CCDC177: variants seen among roughly 807,000 people sequenced by gnomAD.
CCDC177 encodes coiled-coil domain containing 177.
Under a neutral mutation model 7.3 loss-of-function variants are expected in CCDC177, and 2 were observed. The ratio of observed to expected loss-of-function variants is 0.28; its 90% CI spans 0.11 to 0.87. The LOEUF (loss-of-function observed/expected upper bound fraction) is 0.87. Ranked by LOEUF, CCDC177 falls within the 40% of genes least tolerant of loss-of-function variation. The pLI, the probability that CCDC177 is intolerant of heterozygous loss-of-function variation, is 0.61. For synonymous variants in CCDC177, 401 were observed against 449.2 expected (o/e 0.89, Z 1.36); for missense variants, 874 against 970.5 (o/e 0.90, Z 1.32).
At position 69,572,136 on chromosome 14, in the gene CCDC177, TG is replaced by T; in HGVS notation, c.1486del (p.Gln496SerfsTer9). The T allele has an allele frequency of 8.1e-7, 1 of 1,230,984 alleles. No homozygotes were observed. Among genetic ancestry groups the T allele is most frequent in the Non-Finnish European group, 1.0e-6 (1 of 987,558 alleles). 76.3% of individuals were successfully genotyped at this position (1,230,984 alleles called of 1,614,324 possible). A position where few individuals can be genotyped will look rare whatever the true frequency, so the allele number is the denominator to read the frequency against. Reference protein sequence around the residue: ...AARAKQRQEGQLQREKRELSR... With the variant: ...AARAKQRQEGXLQREKRELSR... ...CAGCTCCCGCTTCTCCCGCTGCAGC[TG>T]GCCCTCCTGCCGCTGCTTGGCGCGG... On this transcript the variant is annotated frameshift_variant, in exon 2 of 2. Transcript: ENST00000599174. LOFTEE classifies it low-confidence loss of function (END_TRUNC).
chr14:69,571,515 C>T lies in CCDC177; in HGVS notation c.2108G>A (p.Ser703Asn), dbSNP rs1480114824. 8.0e-7 allele frequency: 1 copy of T among 1,245,482 alleles called. No homozygotes were observed. The highest frequency in any genetic ancestry group is 1.0e-6 in the Non-Finnish European group (1 of 994,996). 77.2% of individuals were successfully genotyped at this position (1,245,482 alleles called of 1,614,324 possible). ...RMVREAQLHA[S>N]LDRK ...GAGCCGCAGTTATTTGCGGTCCAGG[C>T]TGGCGTGTAGCTGGGCCTCCCGCAC... is the stretch of plus-strand genomic sequence containing the variant. Residue 703 changes from serine to asparagine, a missense_variant, in exon 2 of 2, where the codon AGC becomes AAC. Physicochemically the swap from Ser to Asn is conservative, Grantham distance 46. Transcript: ENST00000599174.
Position 69,572,741 on chromosome 14 carries a change from G to A in CCDC177, c.882C>T (p.Thr294=). The A allele has an allele frequency of 2.4e-6, 3 of 1,231,618 alleles. No homozygotes were observed. Among genetic ancestry groups the A allele is most frequent in the Non-Finnish European group, 2.0e-6 (2 of 987,884 alleles). The allele number at this position is 1,231,618 out of a possible 1,614,324, so 76.3% of individuals were successfully genotyped here. ...AGCTGCGGCCGGTGATCGGAACCAGGGTCAGGGCAGACGGGCGGCCCGGAG... is the reference window on the plus strand; with the variant it reads ...AGCTGCGGCCGGTGATCGGAACCAGAGTCAGGGCAGACGGGCGGCCCGGAG... The part of the protein sequence containing the change: ...TNAPGRPSAL[T]LVPITGRSFS... The change falls in exon 2 of 2, where the codon ACC becomes ACT. Residue 294 remains threonine (T), a synonymous_variant. Coordinates refer to ENST00000599174, the MANE Select transcript of CCDC177 (RefSeq NM_001271507.2).
chr14:69,570,568 T>A lies in CCDC177; in HGVS notation c.*931A>T, dbSNP rs1884301178. Reference sequence around the variant, plus strand: ...CTCCAAACTCTCTGGGGCCCACCCTTGAGACGGCATGCAGGGCTGGAGATT... The same window carrying A: ...CTCCAAACTCTCTGGGGCCCACCCTAGAGACGGCATGCAGGGCTGGAGATT... On this transcript the variant is annotated 3_prime_UTR_variant, in exon 2 of 2. Coordinates refer to ENST00000599174, the MANE Select transcript of CCDC177 (RefSeq NM_001271507.2). 1 of 353,420 alleles carries A rather than the reference T, an allele frequency of 2.8e-6. No homozygotes were observed. The highest frequency in any genetic ancestry group is 2.1e-5 in the African/African-American group (1 of 46,778). 21.9% of individuals were successfully genotyped at this position (353,420 alleles called of 1,614,324 possible). A position where few individuals can be genotyped will look rare whatever the true frequency, so the allele number is the denominator to read the frequency against.
At position 69,571,721 on chromosome 14, in the gene CCDC177, C is replaced by T. The variant is rs954962303; in HGVS notation, c.1902G>A (p.Arg634=). 2.6e-5 allele frequency: 32 copies of T among 1,231,712 alleles called. No individual in the cohort carries two copies. Among genetic ancestry groups the T allele is most frequent in the Non-Finnish European group, 2.9e-5 (29 of 988,086 alleles). The allele number at this position is 1,231,712 out of a possible 1,614,324, so 76.3% of individuals were successfully genotyped here. ...AQRANKEKVE[R]DEDCRRRELL... ...GCTCTCGCCGGCGGCAGTCTTCGTC[C>T]CTCTCCACCTTCTCCTTGTTGGCGC... Residue 634 remains arginine (R), a synonymous_variant, in exon 2 of 2, where the codon AGG becomes AGA. Coordinates refer to ENST00000599174, the MANE Select transcript of CCDC177 (RefSeq NM_001271507.2).
chr14:69,571,686 G>C lies in CCDC177; in HGVS notation c.1937C>G (p.Ala646Gly). Residue 646 changes from alanine to glycine, a missense_variant, in exon 2 of 2, where the codon GCC becomes GGC. Transcript: ENST00000599174. The part of the protein sequence containing the change: ...EDCRRRELLQ[A>G]IGRKLERSEQ... The stretch of plus-strand genomic sequence containing the variant: ...GCTGCGCTCCAGCTTGCGCCCGATG[G>C]CCTGGAGTAGCTCTCGCCGGCGGCA... The C allele has an allele frequency of 8.1e-7, 1 of 1,232,016 alleles. No individual in the cohort carries two copies. Among genetic ancestry groups the C allele is most frequent in the Non-Finnish European group, 1.0e-6 (1 of 988,198 alleles). The allele number at this position is 1,232,016 out of a possible 1,614,324, so 76.3% of individuals were successfully genotyped here. A position where few individuals can be genotyped will look rare whatever the true frequency, so the allele number is the denominator to read the frequency against.
rs535329438 is a variant in CCDC177, at chr14:69,572,732, C to T, written c.891G>A (p.Pro297=). Residue 297 remains proline (P), a synonymous_variant, in exon 2 of 2, where the codon CCG becomes CCA. Coordinates refer to ENST00000599174, the MANE Select transcript of CCDC177 (RefSeq NM_001271507.2). ...PGRPSALTLV[P]ITGRSFSLGD... ...CGAGGCTGAAGCTGCGGCCGGTGAT[C>T]GGAACCAGGGTCAGGGCAGACGGGC... 2.8e-5 allele frequency: 35 copies of T among 1,231,538 alleles called. No homozygotes were observed. The Admixed American group carries it at 3.4e-4, about 12-fold the overall frequency. 76.3% of individuals were successfully genotyped at this position (1,231,538 alleles called of 1,614,324 possible).
intron 1 of CCDC177, among the ~76,000 whole-genome samples, 155 bp from the exon 2 acceptor site, chr14:69,573,805 G>A (rs1595013368): frequency 6.6e-6 from 1 of 152,232 alleles, no homozygotes; most frequent in South Asian, 2.1e-4. Flanking sequence ...GAAAGCCCAG[G>A]CTGAGCGCCA....
intron 1 of CCDC177, among the ~76,000 whole-genome samples, chr14:69,574,159 AG>A (rs1264302254): frequency 6.6e-6 from 1 of 152,204 alleles, no homozygotes; most frequent in Non-Finnish European, 1.5e-5. Context: ...CCCCTGCCAA[AG>A]GAGACTCGGT....
rs1884313459 is a variant in CCDC177, at chr14:69,571,024, G to A, written c.*475C>T. On this transcript the variant is annotated 3_prime_UTR_variant, in exon 2 of 2. Transcript: ENST00000599174. ...CTGGGAGGCCTCCGCGATTTGTGCA[G>A]CTTGCCATATTTTGAAAGATGGAGG... is the stretch of plus-strand genomic sequence containing the variant. The A allele has an allele frequency of 4.3e-6, 2 of 463,586 alleles. No homozygotes were observed. The highest frequency in any genetic ancestry group is 3.1e-5 in the South Asian group (2 of 64,618). The allele number at this position is 463,586 out of a possible 1,614,324, so 28.7% of individuals were successfully genotyped here.
At position 69,571,850 on chromosome 14, in the gene CCDC177, C is replaced by T. The variant is rs372184432; in HGVS notation, c.1773G>A (p.Ala591=). ...TCGCGTGCTGCAGCCGTCGCTCCCC[C>T]GCCCGGGCCAGCGCCTCCAGGTGCG... The part of the protein sequence containing the change: ...HQAHLEALAR[A]GERRLQHATQ... Residue 591 remains alanine (A), a synonymous_variant, in exon 2 of 2, where the codon GCG becomes GCA. Coordinates refer to ENST00000599174, the MANE Select transcript of CCDC177 (RefSeq NM_001271507.2). The T allele has an allele frequency of 4.1e-6, 5 of 1,231,550 alleles. No homozygotes were observed. The highest frequency in any genetic ancestry group is 3.1e-4 in the Middle Eastern group (1 of 3,234). The allele number at this position is 1,231,550 out of a possible 1,614,324, so 76.3% of individuals were successfully genotyped here. A position where few individuals can be genotyped will look rare whatever the true frequency, so the allele number is the denominator to read the frequency against.
Position 69,571,623 on chromosome 14 carries a change from C to A in CCDC177, c.2000G>T (p.Ser667Ile). 8.1e-7 allele frequency: 1 copy of A among 1,234,086 alleles called. No individual in the cohort carries two copies. The highest frequency in any genetic ancestry group is 1.0e-6 in the Non-Finnish European group (1 of 989,426). The allele number at this position is 1,234,086 out of a possible 1,614,324, so 76.4% of individuals were successfully genotyped here. ...LTRERRSALESARSTARASFH... is the reference protein window; with the variant it reads ...LTRERRSALEIARSTARASFH... ...GGAAGCCCGGGCTGTGGAGCGGGCGCTCTCCAGCGCACTGCGCCGTTCCCG... is the reference window on the plus strand; with the variant it reads ...GGAAGCCCGGGCTGTGGAGCGGGCGATCTCCAGCGCACTGCGCCGTTCCCG... Residue 667 changes from serine to isoleucine, a missense_variant, in exon 2 of 2, where the codon AGC (serine) becomes ATC (isoleucine). Ser to Ile is a moderately radical substitution (Grantham distance 142). Transcript: ENST00000599174.
Position 69,572,036 on chromosome 14 carries a change from G to A in CCDC177, c.1587C>T (p.Gly529=). ...RTRQQRQERE[G]LRSSLEASLG... The stretch of plus-strand genomic sequence containing the variant: ...AACTGGCTTCCAGCGAGCTCCGCAG[G>A]CCCTCTCGCTCCTGGCGCTGCTGCC... The change falls in exon 2 of 2, where the codon GGC becomes GGT. Residue 529 remains glycine (G), a synonymous_variant. Transcript: ENST00000599174. 8.1e-7 allele frequency: 1 copy of A among 1,231,120 alleles called. No individual in the cohort carries two copies. Among genetic ancestry groups the A allele is most frequent in the Non-Finnish European group, 1.0e-6 (1 of 987,650 alleles). The allele number at this position is 1,231,120 out of a possible 1,614,324, so 76.3% of individuals were successfully genotyped here. A position where few individuals can be genotyped will look rare whatever the true frequency, so the allele number is the denominator to read the frequency against.
Position 69,573,100 on chromosome 14 carries a change from CGG to C in CCDC177, c.521_522del (p.Ala174GlyfsTer37), listed in dbSNP as rs1221380576. ...GGGGCCGAGGCCGCGGCGGCGGCGG[CGG>C]CGGCGGCGGCCGCGGGGCTCAAAGG... ...FTPLSPAAAAAAAAAAASAPS... is the reference protein window; with the variant it reads ...FTPLSPAAAAXAAAAAASAPS... On this transcript the variant is annotated frameshift_variant, in exon 2 of 2. Coordinates refer to ENST00000599174, the MANE Select transcript of CCDC177 (RefSeq NM_001271507.2). LOFTEE classifies it low-confidence loss of function (END_TRUNC). 2 of 1,218,708 alleles carry C rather than the reference CGG, an allele frequency of 1.6e-6. No homozygotes were observed. The highest frequency in any genetic ancestry group is 3.2e-5 in the East Asian group (1 of 30,832). 75.5% of individuals were successfully genotyped at this position (1,218,708 alleles called of 1,614,324 possible).
rs1884354258 is a variant in CCDC177, at chr14:69,572,629, G to A, written c.994C>T (p.Arg332Cys). 1 of 1,231,268 alleles carries A rather than the reference G, an allele frequency of 8.1e-7. No individual in the cohort carries two copies. The highest frequency in any genetic ancestry group is 1.5e-5 in the African/African-American group (1 of 64,532). The allele number at this position is 1,231,268 out of a possible 1,614,324, so 76.3% of individuals were successfully genotyped here. ...TTCCGGTCACGCTCCGGCACCCCGC[G>A]CAGGCCGCGCTCTGCACGCACTTGA... ...VRQVRAERGL[R>C]GVPERDRKIA... Residue 332 changes from arginine (R) to cysteine (C), a missense_variant, in exon 2 of 2, where the codon CGC becomes TGC. Transcript: ENST00000599174.
At position 69,573,086 on chromosome 14, in the gene CCDC177, CGCGGCGGCGGCGGCG is replaced by C. The variant is rs4048622; in HGVS notation, c.522_536del (p.Ala176_Ala180del). On this transcript the variant is annotated inframe_deletion, in exon 2 of 2. Coordinates refer to ENST00000599174, the MANE Select transcript of CCDC177 (RefSeq NM_001271507.2). Reference sequence around the variant, plus strand: ...TGCTGCCCGCGCTCGGGGCCGAGGCCGCGGCGGCGGCGGCGGCGGCGGCGGCCGCGGGGCTCAAAG... The same window carrying C: ...TGCTGCCCGCGCTCGGGGCCGAGGCCGCGGCGGCGGCCGCGGGGCTCAAAG... 68 of 1,175,500 alleles carry C rather than the reference CGCGGCGGCGGCGGCG, an allele frequency of 5.8e-5. No individual in the cohort carries two copies. Among genetic ancestry groups the C allele is most frequent in the Non-Finnish European group, 6.6e-5 (62 of 946,460 alleles). 72.8% of individuals were successfully genotyped at this position (1,175,500 alleles called of 1,614,324 possible).
In CCDC177 at chr14:69,571,941, C is replaced by A; in HGVS notation, c.1682G>T (p.Arg561Leu). The change falls in exon 2 of 2, where the codon CGG becomes CTG. Residue 561 changes from arginine to leucine, a missense_variant. Coordinates refer to ENST00000599174, the MANE Select transcript of CCDC177 (RefSeq NM_001271507.2). ...CCGCCGACCCTGCAGCTCCTCTCGC[C>A]GGGCCCGCTCCCGCAGCTCCCGGGT... The part of the protein sequence containing the change: ...QRTRELRERA[R>L]REELQGRRAK... 3 of 1,232,298 alleles carry A rather than the reference C, an allele frequency of 2.4e-6. No homozygotes were observed. The South Asian group carries it at 1.2e-4, about 51-fold the overall frequency. 76.3% of individuals were successfully genotyped at this position (1,232,298 alleles called of 1,614,324 possible). A position where few individuals can be genotyped will look rare whatever the true frequency, so the allele number is the denominator to read the frequency against.
chr14:69,572,650 C>T lies in CCDC177; in HGVS notation c.973G>A (p.Val325Met). The change falls in exon 2 of 2, where the codon GTG becomes ATG. Residue 325 changes from valine (V) to methionine (M), a missense_variant. By Grantham distance (21) the Val-to-Met change is conservative. Transcript: ENST00000599174. ...CCGCGCAGGCCGCGCTCTGCACGCA[C>T]TTGACGCACGATGCGCTCCACGTGC... ...AQHVERIVRQ[V>M]RAERGLRGVP... 5.7e-6 allele frequency: 7 copies of T among 1,231,326 alleles called. No homozygotes were observed. Among genetic ancestry groups the T allele is most frequent in the Non-Finnish European group, 7.1e-6 (7 of 987,644 alleles). The allele number at this position is 1,231,326 out of a possible 1,614,324, so 76.3% of individuals were successfully genotyped here.
rs2139563570 is a variant in CCDC177 at position 69,571,487 on chromosome 14, A to G, written c.*12T>C. 1 of 1,247,468 alleles carries G rather than the reference A, an allele frequency of 8.0e-7. No individual in the cohort carries two copies. Among genetic ancestry groups the G allele is most frequent in the African/African-American group, 1.5e-5 (1 of 64,994 alleles). 77.3% of individuals were successfully genotyped at this position (1,247,468 alleles called of 1,614,324 possible). On this transcript the variant is annotated 3_prime_UTR_variant, in exon 2 of 2. Coordinates refer to ENST00000599174, the MANE Select transcript of CCDC177 (RefSeq NM_001271507.2). Reference sequence around the variant, plus strand: ...GGCTGTGCGTGCCAATCTGGCTGGCAAAGAGCCGCAGTTATTTGCGGTCCA... The same window carrying G: ...GGCTGTGCGTGCCAATCTGGCTGGCGAAGAGCCGCAGTTATTTGCGGTCCA...
Position 69,572,880 on chromosome 14 carries a change from G to A in CCDC177, c.743C>T (p.Ser248Leu). 8.1e-7 allele frequency: 1 copy of A among 1,230,946 alleles called. No individual in the cohort carries two copies. Among genetic ancestry groups the A allele is most frequent in the Non-Finnish European group, 1.0e-6 (1 of 987,478 alleles). 76.3% of individuals were successfully genotyped at this position (1,230,946 alleles called of 1,614,324 possible). Reference sequence around the variant, plus strand: ...ACTGTAGGATGACGACGATGCGCCCGACTCGGAGCTGAGGGCGCCCTCACG... The same window carrying A: ...ACTGTAGGATGACGACGATGCGCCCAACTCGGAGCTGAGGGCGCCCTCACG... Reference protein sequence around the residue: ...RRREGALSSESGASSSSYSGE... With the variant: ...RRREGALSSELGASSSSYSGE... Residue 248 changes from serine (S) to leucine (L), a missense_variant, in exon 2 of 2, where the codon TCG (serine) becomes TTG (leucine). Transcript: ENST00000599174.
Sources: allele counts gnomAD v4.1 joint callset (sites outside exome capture counted in the v4.1 genomes callset), GRCh38; gene constraint gnomAD v4.1.1; transcripts MANE v1.5; gene names NCBI Gene and HGNC (gene_info 2026-07-23, HGNC 2026-07-21).